The following PRKG1 variants were observed in gnomAD, a reference collection of about 807,000 sequenced individuals.
PRKG1 encodes cGMP-dependent protein kinase 1.
A neutral mutation model predicts 88.1 loss-of-function variants in PRKG1; 35 were observed. The ratio of observed to expected loss-of-function variants is 0.40; its 90% CI spans 0.30 to 0.53. The LOEUF (loss-of-function observed/expected upper bound fraction) is 0.53, where lower values mean the gene tolerates loss of function less well. Ranked by LOEUF, PRKG1 falls within the 20% of genes least tolerant of loss-of-function variation. PRKG1 has a pLI of 0.59. For missense variants in PRKG1, 540 were observed against 839.8 expected (o/e 0.64, Z 4.41); for synonymous variants, 303 against 292.5 (o/e 1.04, Z -0.37).
chr10:51,776,124 G>A (rs1828815353), intron 3 of PRKG1, among the ~76,000 whole-genome samples: 1 of 152,106 alleles, frequency 6.6e-6, no homozygotes, highest in Non-Finnish European at 1.5e-5. Context: ...TGGTAATGCT[G>A]GGGAAAATGT....
chr10:52,173,849 A>G (rs1158109258), intron 9 of PRKG1, among the ~76,000 whole-genome samples: 2 of 152,162 alleles, frequency 1.3e-5, no homozygotes, highest in Non-Finnish European at 2.9e-5. Flanking sequence ...TGAAAAGAGG[A>G]TAAGGCAGCT....
chr10:51,896,645 TAAAAAAAAAAAAAA>T (rs10649150), intron 4 of PRKG1, among the ~76,000 whole-genome samples: 3 of 95,004 alleles, frequency 3.2e-5, no homozygotes, highest in Non-Finnish European at 5.8e-5. Flanking sequence ...CCCTGTCTCT[TAAAAAAAAAAAAAA>T]AAAAAAAAAA....
At chr10:51,881,317 T>A (rs1841432803) in intron 4 of PRKG1, among the ~76,000 whole-genome samples, 1 of 152,192 alleles carries the variant, frequency 6.6e-6, no homozygotes, top group South Asian at 2.1e-4. Context: ...TTCTCATGAT[T>A]ATATATTAAA....
chr10:51,270,786 C>A (rs1210946444), intron 2 of PRKG1, among the ~76,000 whole-genome samples: 1 of 152,140 alleles, frequency 6.6e-6, no homozygotes, highest in East Asian at 1.9e-4. Context: ...CCTCCACTCC[C>A]TAGTTGTCAT....
chr10:51,459,450 C>A (rs1359574773), intron 2 of PRKG1, among the ~76,000 whole-genome samples: 1 of 152,038 alleles, frequency 6.6e-6, no homozygotes, highest in Non-Finnish European at 1.5e-5. Flanking sequence ...ATTTTATGAA[C>A]CATGACCTAG....
intron 9 of PRKG1, among the ~76,000 whole-genome samples, chr10:52,207,970 C>T (rs940028661): frequency 6.6e-6 from 1 of 152,106 alleles, no homozygotes; most frequent in African/African-American, 2.4e-5. Context: ...CCTTCTTGGT[C>T]GCCCTTCCAT....
chr10:52,264,438 T>C (rs1027196393), intron 10 of PRKG1, among the ~76,000 whole-genome samples: 1 of 152,026 alleles, frequency 6.6e-6, no homozygotes, highest in Non-Finnish European at 1.5e-5. Flanking sequence ...GCAGAACATT[T>C]CACTACAGCA....
chr10:51,833,303 C>T (rs958654807), intron 4 of PRKG1, among the ~76,000 whole-genome samples: 2 of 152,056 alleles, frequency 1.3e-5, no homozygotes, highest in Admixed American at 1.3e-4. Context: ...AGTAGCTAGG[C>T]GTTTGAAGAA....
At chr10:51,744,957 G>T (rs1051519001) in intron 3 of PRKG1, among the ~76,000 whole-genome samples, 5 of 152,152 alleles carry the variant, frequency 3.3e-5, no homozygotes. Flanking sequence ...TCAACGCCTG[G>T]TTGTTGAGGG....
intron 1 of PRKG1, among the ~76,000 whole-genome samples, chr10:51,034,364 T>A (rs957717): frequency 0.56 from 85,486 of 151,654 alleles, 24,424 homozygotes; most frequent in South Asian, 0.68. Context: ...TCCATTAATC[T>A]GTGAGACAGA....
chr10:51,189,077 G>A (rs1315218792), intron 2 of PRKG1, among the ~76,000 whole-genome samples: 1 of 151,750 alleles, frequency 6.6e-6, no homozygotes, highest in Non-Finnish European at 1.5e-5. Context: ...GTGCTATCAT[G>A]AGGTGACAAG....
At chr10:51,843,313 A>G (rs538797803) in intron 4 of PRKG1, among the ~76,000 whole-genome samples, 37 of 152,254 alleles carry the variant, frequency 2.4e-4, no homozygotes, top group African/African-American at 8.7e-4. Context: ...GAAAACAAAG[A>G]AAGTTCATGT....
At chr10:51,718,599 T>C (rs1001855051) in intron 3 of PRKG1, among the ~76,000 whole-genome samples, 6 of 152,186 alleles carry the variant, frequency 3.9e-5, no homozygotes, top group African/African-American at 1.4e-4. Flanking sequence ...TCATGAATCA[T>C]AGTGATATAA....
intron 3 of PRKG1, among the ~76,000 whole-genome samples, chr10:51,763,562 A>G (rs11591368): frequency 0.42 from 63,355 of 150,094 alleles, 14,001 homozygotes; most frequent in Middle Eastern, 0.54. Context: ...CACATTATAT[A>G]TTTTAAAACG....
At chr10:52,128,015 G>C (rs1837146566) in intron 7 of PRKG1, 17 of 979,628 alleles carry the variant, frequency 1.7e-5, no homozygotes, top group Non-Finnish European at 2.1e-5. Flanking sequence ...GTGGTTCTTT[G>C]ATGCTTGTCA....
chr10:51,766,474 C>T (rs931815191), intron 3 of PRKG1, among the ~76,000 whole-genome samples: 3 of 152,104 alleles, frequency 2.0e-5, no homozygotes, highest in African/African-American at 7.2e-5. Context: ...TTAGGCAAGA[C>T]CTGCCCCCCA....
intron 14 of PRKG1, among the ~76,000 whole-genome samples, chr10:52,288,432 A>G (rs949455906): frequency 5.9e-5 from 9 of 152,142 alleles, no homozygotes; most frequent in Admixed American, 3.9e-4. Context: ...GGAAAAGGTC[A>G]GAGAGTAGAA....
Position 50,991,618 on chromosome 10 carries a change from A to T in PRKG1, c.240A>T (p.Ala80=). 1 of 1,550,226 alleles carries T rather than the reference A, an allele frequency of 6.5e-7. No individual in the cohort carries two copies. The highest frequency in any genetic ancestry group is 1.2e-5 in the South Asian group (1 of 83,884). ...GGTCCTTCCACGACCTCCGACAGGC[A>T]TTCCGGAAGTTCACCAAGTCCGAAA... The change falls in exon 1 of 18, where the codon GCA becomes GCT. Residue 80 remains alanine, a synonymous_variant. Coordinates refer to the PRKG1 transcript ENST00000401604. This position sits in a 1 kb window ranked among gnomAD's most constrained non-coding sequence, Gnocchi z 4.5.
chr10:52,128,420 G>C (rs1837161458), intron 7 of PRKG1: 1 of 985,352 alleles, frequency 1.0e-6, no homozygotes, highest in Non-Finnish European at 1.2e-6. Flanking sequence ...CAAGAGAATT[G>C]GTTTAGAACC....
Sources: allele counts gnomAD v4.1 joint callset (sites outside exome capture counted in the v4.1 genomes callset), GRCh38; gene constraint gnomAD v4.1.1; non-coding constraint Gnocchi (gnomAD v3.1); transcripts MANE v1.5; gene names NCBI Gene and HGNC (gene_info 2026-07-23, HGNC 2026-07-21).